The following TRIML2 variants were observed in gnomAD, a reference collection of about 807,000 sequenced individuals.
TRIML2 encodes the protein tripartite motif family like 2.
Under a neutral mutation model 31.2 loss-of-function variants are expected in TRIML2, and 28 were observed. The ratio of observed to expected loss-of-function variants is 0.90; its 90% CI spans 0.66 to 1.23. The LOEUF (loss-of-function observed/expected upper bound fraction) is 1.23. Ranked by LOEUF, TRIML2 falls within the 50% of genes most tolerant of loss-of-function variation. The pLI, the probability that TRIML2 is intolerant of heterozygous loss-of-function variation, is 0.00. For synonymous variants in TRIML2, 187 were observed against 197.5 expected (o/e 0.95, Z 0.45); for missense variants, 536 against 528.3 (o/e 1.01, Z -0.14).
intron 1 of TRIML2, among the ~76,000 whole-genome samples, chr4:188,107,269 G>C (rs556151237): frequency 2.8e-4 from 42 of 152,272 alleles, no homozygotes; most frequent in African/African-American, 9.9e-4. Context: ...GCCCGCCTCA[G>C]CCTCAGTGCT....
In TRIML2 at chr4:188,101,261, T is replaced by C. The variant is rs760985528; in HGVS notation, c.286-11A>G. On this transcript the variant is annotated splice_polypyrimidine_tract_variant and intron_variant, in intron 3 of 7. Transcript: ENST00000682553. ...ATTTTGTTCCTCTTCCTTCCTCATATAGACATGATAGACTTCAGGTTAAAC... is the reference window on the plus strand; with the variant it reads ...ATTTTGTTCCTCTTCCTTCCTCATACAGACATGATAGACTTCAGGTTAAAC... 1.3e-6 allele frequency: 2 copies of C among 1,581,624 alleles called. No individual in the cohort carries two copies. Among genetic ancestry groups the C allele is most frequent in the South Asian group, 1.1e-5 (1 of 89,244 alleles).
intron 2 of TRIML2, 55 bp from the exon 3 acceptor site, chr4:188,104,987 T>G: frequency 6.5e-7 from 1 of 1,531,364 alleles, no homozygotes; most frequent in Middle Eastern, 1.7e-4. Context: ...ACAGTTGGAT[T>G]CCTGACCTTA....
intron 4 of TRIML2, among the ~76,000 whole-genome samples, chr4:188,099,985 G>A (rs566919237): frequency 6.6e-6 from 1 of 152,014 alleles, no homozygotes; most frequent in Non-Finnish European, 1.5e-5. Context: ...TATTTAGGGG[G>A]AAAAAACATA....
In TRIML2 at chr4:188,105,363, G is replaced by T; in HGVS notation, c.6C>A (p.Ser2=). 2 of 1,576,790 alleles carry T rather than the reference G, an allele frequency of 1.3e-6. No individual in the cohort carries two copies. Among genetic ancestry groups the T allele is most frequent in the Non-Finnish European group, 1.7e-6 (2 of 1,158,204 alleles). Residue 2 remains serine, a synonymous_variant, in exon 2 of 8, where the codon TCC becomes TCA. Transcript: ENST00000682553. M[S]KRLSPQLQHN... ...GCTGTAACTGAGGGCTGAGCCTTTT[G>T]GACATCCTGGTAGGGGTCCCTAGTT...
At chr4:188,098,417 A>G (rs1733624631) in intron 5 of TRIML2, 1 of 263,286 alleles carries the variant, frequency 3.8e-6, no homozygotes, top group Admixed American at 4.9e-5. Context: ...CTCTGCCCCC[A>G]GGCCCCACTC....
chr4:188,102,186 T>C (rs1579180335), intron 3 of TRIML2, among the ~76,000 whole-genome samples: 1 of 144,668 alleles, frequency 6.9e-6, no homozygotes, highest in African/African-American at 2.6e-5. Flanking sequence ...AAGGAAGCTA[T>C]AGCCTCTGTC....
rs776081591 is a variant in TRIML2 at position 188,091,941 on chromosome 4, C to G, written c.746G>C (p.Arg249Thr). The change falls in exon 8 of 8, where the codon AGA (arginine) becomes ACA (threonine). Residue 249 changes from arginine (R) to threonine (T), a missense_variant and splice_region_variant. By Grantham distance (71) the Arg-to-Thr change is moderately conservative (BLOSUM62 -1). Transcript: ENST00000682553. ...TGTTTCAGGATCCAATGTTAAATGT[C>G]CTATCAGGAGAGAAAACCCTCGTTA... ...GLSSMFRVLQ[R>T]HLTLDPETAH... The G allele has an allele frequency of 6.2e-7, 1 of 1,605,290 alleles. No homozygotes were observed. The highest frequency in any genetic ancestry group is 1.7e-5 in the Admixed American group (1 of 59,918).
rs1166314382 is a variant in TRIML2 at position 188,104,895 on chromosome 4, T to C, written c.227A>G (p.Lys76Arg). ...CAATATGCTTTTAGCTGCTTCAAGTTTCTCCCTCGATGTGTTCAATATTTC... is the reference window on the plus strand; with the variant it reads ...CAATATGCTTTTAGCTGCTTCAAGTCTCTCCCTCGATGTGTTCAATATTTC... Reference protein sequence around the residue: ...FQEILNTSREKLEAAKSILTD... With the variant: ...FQEILNTSRERLEAAKSILTD... Residue 76 changes from lysine (K) to arginine (R), a missense_variant, in exon 3 of 8, where the codon AAA becomes AGA. Transcript: ENST00000682553. 1 of 1,614,104 alleles carries C rather than the reference T, an allele frequency of 6.2e-7. No homozygotes were observed. Among genetic ancestry groups the C allele is most frequent in the Non-Finnish European group, 8.5e-7 (1 of 1,179,994 alleles).
intron 7 of TRIML2, among the ~76,000 whole-genome samples, chr4:188,092,166 G>A (rs1202421118): frequency 6.6e-6 from 1 of 152,064 alleles, no homozygotes; most frequent in Non-Finnish European, 1.5e-5. Context: ...GTCTACCTGA[G>A]CGGGAAGAAT....
At position 188,104,828 on chromosome 4, in the gene TRIML2, C is replaced by T; in HGVS notation, c.285+9G>A. ...TTCCCCCCAAGAATCAAGATAAGCA[C>T]TCACTGACCTGAATCATCGCCATTC... On this transcript the variant is annotated intron_variant, in intron 3 of 7. Coordinates refer to ENST00000682553, the MANE Select transcript of TRIML2 (RefSeq NM_173553.4). The T allele has an allele frequency of 6.2e-7, 1 of 1,608,498 alleles. No homozygotes were observed. The highest frequency in any genetic ancestry group is 8.5e-7 in the Non-Finnish European group (1 of 1,174,922).
intron 5 of TRIML2, chr4:188,098,209 G>C (rs1213985722): frequency 2.2e-6 from 1 of 452,496 alleles, no homozygotes; most frequent in Admixed American, 2.4e-5. Context: ...ACTTACCATA[G>C]ACTGAGTAGC....
rs758977958 is a variant in TRIML2 at position 188,104,904 on chromosome 4, G to A, written c.218C>T (p.Ser73Leu). The A allele has an allele frequency of 1.2e-6, 2 of 1,613,670 alleles. No homozygotes were observed. The highest frequency in any genetic ancestry group is 1.7e-6 in the Non-Finnish European group (2 of 1,179,820). Residue 73 changes from serine to leucine, a missense_variant, in exon 3 of 8, where the codon TCG becomes TTG. Coordinates refer to ENST00000682553, the MANE Select transcript of TRIML2 (RefSeq NM_173553.4). ...RKLFQEILNT[S>L]REKLEAAKSI... Reference sequence around the variant, plus strand: ...TTTAGCTGCTTCAAGTTTCTCCCTCGATGTGTTCAATATTTCCTGGAATAA... The same window carrying A: ...TTTAGCTGCTTCAAGTTTCTCCCTCAATGTGTTCAATATTTCCTGGAATAA...
rs1172945841 is a variant in TRIML2 at position 188,099,138 on chromosome 4, A to T, written c.518T>A (p.Leu173Gln). ...AGAAGCCCTGGCTTCACTCTCCTTC[A>T]GTTTCTCCATGTTCTCTCTCCCCAC... Reference protein sequence around the residue: ...GRVGRENMEKLKESEARASEQ... With the variant: ...GRVGRENMEKQKESEARASEQ... The change falls in exon 5 of 8, where the codon CTG (leucine) becomes CAG (glutamine). Residue 173 changes from leucine (L) to glutamine (Q), a missense_variant. Physicochemically the swap from Leu to Gln is moderately radical, Grantham distance 113. Transcript: ENST00000682553. The T allele has an allele frequency of 6.2e-7, 1 of 1,613,302 alleles. No individual in the cohort carries two copies. The highest frequency in any genetic ancestry group is 8.5e-7 in the Non-Finnish European group (1 of 1,179,700).
In TRIML2 at chr4:188,091,648, C is replaced by T; in HGVS notation, c.1039G>A (p.Gly347Arg). 1 of 1,613,876 alleles carries T rather than the reference C, an allele frequency of 6.2e-7. No homozygotes were observed. The highest frequency in any genetic ancestry group is 8.5e-7 in the Non-Finnish European group (1 of 1,179,780). The change falls in exon 8 of 8, where the codon GGG becomes AGG. Residue 347 changes from glycine to arginine, a missense_variant. By Grantham distance (125) the Gly-to-Arg change is moderately radical. Coordinates refer to ENST00000682553, the MANE Select transcript of TRIML2 (RefSeq NM_173553.4). ...AAGACCCAGAGAGTCCACTCGGTCCCCATCACCGACCCCGTGAGCAAGACT... is the reference window on the plus strand; with the variant it reads ...AAGACCCAGAGAGTCCACTCGGTCCTCATCACCGACCCCGTGAGCAAGACT... ...EKVLLTGSVM[G>R]TEWTLWVFPP...
In TRIML2 at chr4:188,101,118, G is replaced by A; in HGVS notation, c.418C>T (p.Leu140Phe). ...CISDLNLRETLLNQAIKLATE... is the reference protein window; with the variant it reads ...CISDLNLRETFLNQAIKLATE... The stretch of plus-strand genomic sequence containing the variant: ...GCAAGCTTGATCGCTTGATTCAGAA[G>A]GGTTTCTCTCAGGTTCAAGTCAGAT... Residue 140 changes from leucine to phenylalanine, a missense_variant, in exon 4 of 8, where the codon CTT becomes TTT. Leu to Phe is a conservative substitution (Grantham distance 22, BLOSUM62 0). Transcript: ENST00000682553. The A allele has an allele frequency of 1.2e-6, 2 of 1,613,540 alleles. No individual in the cohort carries two copies. Among genetic ancestry groups the A allele is most frequent in the South Asian group, 2.2e-5 (2 of 91,024 alleles).
At chr4:188,104,750 T>C (rs1007833803) in intron 3 of TRIML2, 87 bp downstream of exon 3, 13 of 1,097,448 alleles carry the variant, frequency 1.2e-5, no homozygotes, top group Non-Finnish European at 1.7e-5. Flanking sequence ...CTTTGTGATT[T>C]GTCTTTTGAC....
intron 1 of TRIML2, among the ~76,000 whole-genome samples, chr4:188,107,274 A>T (rs1734081265): frequency 6.6e-6 from 1 of 152,166 alleles, no homozygotes; most frequent in African/African-American, 2.4e-5. Context: ...CCTCAGCCTC[A>T]GTGCTGGGAT....
At chr4:188,094,239 A>G (rs1733403152) in intron 7 of TRIML2, among the ~76,000 whole-genome samples, 1 of 152,228 alleles carries the variant, frequency 6.6e-6, no homozygotes, top group Non-Finnish European at 1.5e-5. Context: ...GTCCACTCTC[A>G]CCACTTCTGT....
At chr4:188,095,623 C>T (rs1733472264) in intron 7 of TRIML2, among the ~76,000 whole-genome samples, 1 of 152,102 alleles carries the variant, frequency 6.6e-6, no homozygotes, top group Non-Finnish European at 1.5e-5. Context: ...GGTGAGAATA[C>T]AGAGTAACTG....
Sources: allele counts gnomAD v4.1 joint callset (sites outside exome capture counted in the v4.1 genomes callset), GRCh38; gene constraint gnomAD v4.1.1; transcripts MANE v1.5; gene names NCBI Gene and HGNC (gene_info 2026-07-23, HGNC 2026-07-21).